Variants in SEH1L observed in about 807,000 individuals in gnomAD.
SEH1L encodes the protein nucleoporin SEH1.
In SEH1L, 18 loss-of-function variants were observed where a neutral mutation model predicts 49.5. The ratio of observed to expected loss-of-function variants is 0.36; its 90% confidence interval spans 0.25 to 0.54. The LOEUF is 0.54. Among genes scored for constraint, SEH1L ranks in the 20% least tolerant of loss-of-function variants. SEH1L has a pLI of 0.87. For synonymous variants in SEH1L, 169 were observed against 178.1 expected (o/e 0.95, Z 0.41); for missense variants, 404 against 528.8 (o/e 0.76, Z 2.31).
At chr18:12,959,399 C>G (rs781344463) in intron 3 of SEH1L, among the ~76,000 whole-genome samples, 28 of 152,208 alleles carry the variant, frequency 1.8e-4, no homozygotes, top group Non-Finnish European at 3.4e-4. Context: ...CCAGGCTGGT[C>G]TTGAACTCCT....
chr18:12,964,925 C>A (rs1029028668), intron 4 of SEH1L, among the ~76,000 whole-genome samples: 1 of 151,686 alleles, frequency 6.6e-6, no homozygotes, highest in African/African-American at 2.4e-5. Context: ...AGGTGTGAGC[C>A]ACTGTGCCTG....
rs1333231639 is a variant in SEH1L, at chr18:12,978,841, T to G, written c.710T>G (p.Ile237Ser). The change falls in exon 6 of 9, where the codon ATT becomes AGT. Residue 237 changes from isoleucine to serine, a missense_variant. Physicochemically the swap from Ile to Ser is moderately radical, Grantham distance 142 (BLOSUM62 -2). This residue lies in a region of SEH1L where 342 missense variants were observed against 430.8 expected (regional missense o/e 0.79). Coordinates refer to ENST00000399892, the MANE Select transcript of SEH1L (RefSeq NM_001013437.2). ...CCAAATTTGGGAAGATCTTTCCATA[T>G]TCTAGCAATAGCGACCAAAGATGTG... is the stretch of plus-strand genomic sequence containing the variant. ...FAPNLGRSFH[I>S]LAIATKDVRI... is the part of the protein sequence containing the mutation. 1 of 1,614,082 alleles carries G rather than the reference T, an allele frequency of 6.2e-7. No individual in the cohort carries two copies.
intron 5 of SEH1L, chr18:12,974,609 TA>T (rs1259164609): frequency 6.6e-6 from 1 of 152,200 alleles, no homozygotes; most frequent in Non-Finnish European, 1.5e-5. Context: ...TATCACCATT[TA>T]GTAGACAGGA....
Position 12,978,911 on chromosome 18 carries a change from T to C in SEH1L, c.761+19T>C, listed in dbSNP as rs767957856. ...CTGTGAGGTGAGTTTTAGAAGCATT[T>C]ATGAATTTGAAAATACTCTTGCCTT... On this transcript the variant is annotated intron_variant, in intron 6 of 8. Transcript: ENST00000399892. The C allele has an allele frequency of 1.2e-6, 2 of 1,610,432 alleles. No individual in the cohort carries two copies. Among genetic ancestry groups the C allele is most frequent in the Non-Finnish European group, 1.7e-6 (2 of 1,177,804 alleles).
chr18:12,948,345 G>A, intron 1 of SEH1L, 113 bp downstream of exon 1: 1 of 777,280 alleles, frequency 1.3e-6, no homozygotes. Flanking sequence ...GGAAGCTGTG[G>A]GGTGGCGGGC....
intron 3 of SEH1L, among the ~76,000 whole-genome samples, chr18:12,956,889 A>G (rs1349629692): frequency 3.9e-5 from 6 of 152,174 alleles, no homozygotes; most frequent in Non-Finnish European, 7.3e-5. Context: ...AACATGGTGA[A>G]ACCCTGTCTC....
intron 6 of SEH1L, among the ~76,000 whole-genome samples, chr18:12,979,380 T>TG (rs2032067507): frequency 6.7e-6 from 1 of 148,844 alleles, no homozygotes; most frequent in South Asian, 2.2e-4. Context: ...AGCACAGGGT[T>TG]GGGGGTAAGG....
At chr18:12,983,476 C>T in intron 7 of SEH1L, among the ~76,000 whole-genome samples, 1 of 152,160 alleles carries the variant, frequency 6.6e-6, no homozygotes. Flanking sequence ...TTCAGGACCA[C>T]CTTGCCATGC....
chr18:12,980,250 C>T, intron 6 of SEH1L, among the ~76,000 whole-genome samples: 1 of 131,634 alleles, frequency 7.6e-6, no homozygotes, highest in Admixed American at 7.6e-5. Flanking sequence ...GCGGCTGGCC[C>T]CCCCACCTCC....
intron 5 of SEH1L, 125 bp downstream of exon 5, chr18:12,971,376 C>T (rs1263139886): frequency 4.5e-6 from 3 of 668,036 alleles, no homozygotes; most frequent in African/African-American, 1.8e-5. Flanking sequence ...CTATAATATA[C>T]CAAGTTCTGT....
In SEH1L at chr18:12,984,166, C is replaced by T; in HGVS notation, c.1046C>T (p.Ser349Leu). Residue 349 changes from serine (S) to leucine (L), a missense_variant, in exon 8 of 9, where the codon TCA (serine) becomes TTA (leucine). Physicochemically the swap from Ser to Leu is moderately radical, Grantham distance 145. This residue lies in a region of SEH1L where 342 missense variants were observed against 430.8 expected (regional missense o/e 0.79). Transcript: ENST00000399892. ...TCAACTATTCCAAGTCTTCAGAATT[C>T]ATTAAATGGATCTTCTGCTGGCAGG... ...LGSTIPSLQN[S>L]LNGSSAGRYF... The T allele has an allele frequency of 1.2e-6, 2 of 1,613,766 alleles. No homozygotes were observed. The highest frequency in any genetic ancestry group is 1.7e-6 in the Non-Finnish European group (2 of 1,179,750).
In SEH1L at chr18:12,978,736, A is replaced by G. The variant is rs202112210; in HGVS notation, c.621-16A>G. 1.0e-3 allele frequency: 1,663 copies of G among 1,597,900 alleles called. 1 individual carries two copies. Among genetic ancestry groups the G allele is most frequent in the Non-Finnish European group, 1.3e-3 (1,502 of 1,170,462 alleles). On this transcript the variant is annotated splice_polypyrimidine_tract_variant and intron_variant, in intron 5 of 8. Transcript: ENST00000399892. ...TTTTATTTCTAAAATGTTAATGTCA[A>G]TTGTTTTTCCATTAGGAAATATGCA... is the stretch of plus-strand genomic sequence containing the variant.
At chr18:12,950,455 AG>A (rs2030449694) in intron 1 of SEH1L, among the ~76,000 whole-genome samples, 1 of 152,206 alleles carries the variant, frequency 6.6e-6, no homozygotes, top group Admixed American at 6.5e-5. Context: ...AAAAAATTAT[AG>A]ACTTATTGCT....
At chr18:12,959,917 G>A (rs2031092189) in intron 3 of SEH1L, among the ~76,000 whole-genome samples, 1 of 152,124 alleles carries the variant, frequency 6.6e-6, no homozygotes. Flanking sequence ...GATAGAGAAA[G>A]GTTTATTCGA....
Position 12,978,816 on chromosome 18 carries a change from C to T in SEH1L, c.685C>T (p.Pro229Ser), listed in dbSNP as rs1598973806. ...TCCTGTTCATGATATTGCATTCGCT[C>T]CAAATTTGGGAAGATCTTTCCATAT... ...TDPVHDIAFA[P>S]NLGRSFHILA... Residue 229 changes from proline (P) to serine (S), a missense_variant, in exon 6 of 9, where the codon CCA (proline) becomes TCA (serine). By Grantham distance (74) the Pro-to-Ser change is moderately conservative. Coordinates refer to ENST00000399892, the MANE Select transcript of SEH1L (RefSeq NM_001013437.2). The T allele has an allele frequency of 6.2e-7, 1 of 1,613,832 alleles. No individual in the cohort carries two copies. The highest frequency in any genetic ancestry group is 2.2e-5 in the East Asian group (1 of 44,864).
chr18:12,983,936 C>T (rs1689383883), intron 7 of SEH1L, 104 bp from the exon 8 acceptor site: 1 of 747,056 alleles, frequency 1.3e-6, no homozygotes. Context: ...AGCTCATAGC[C>T]TCTGTCTCGT....
intron 4 of SEH1L, chr18:12,964,400 A>AT (rs901708493): frequency 5.3e-5 from 8 of 151,856 alleles, no homozygotes; most frequent in Non-Finnish European, 8.8e-5. Context: ...TTATTCTGCT[A>AT]TTTTTCCACA....
intron 7 of SEH1L, chr18:12,983,325 G>A (rs1225780323): frequency 6.6e-6 from 1 of 152,266 alleles, no homozygotes; most frequent in East Asian, 1.9e-4. Flanking sequence ...AGCAGTTATT[G>A]TTTCCCAAAG....
At position 12,963,145 on chromosome 18, in the gene SEH1L, T is replaced by C. The variant is rs761021256; in HGVS notation, c.310-15T>C. ...TTTTTGTATATAATTTAAATTGTTA[T>C]TATTTTTTTTTTAGGTTAAAAGGAC... On this transcript the variant is annotated splice_polypyrimidine_tract_variant and intron_variant, in intron 3 of 8. Coordinates refer to ENST00000399892, the MANE Select transcript of SEH1L (RefSeq NM_001013437.2). 1.2e-5 allele frequency: 18 copies of C among 1,556,242 alleles called. No individual in the cohort carries two copies. The South Asian group carries it at 1.2e-4, about 10-fold the overall frequency.
Sources: gnomAD v4.1 joint callset for allele counts (sites outside exome capture counted in the v4.1 genomes callset) on GRCh38, gnomAD v4.1.1 for gene constraint, gnomAD v4.1.1 regional missense constraint, MANE v1.5 for transcripts, NCBI Gene and HGNC (gene_info 2026-07-23, HGNC 2026-07-21) for gene names.